PIGU: variants seen among roughly 807,000 people sequenced by gnomAD.
PIGU encodes GPI-anchor transamidase component PIGU.
In PIGU, 24 loss-of-function variants were observed where a neutral mutation model predicts 49.9. That is an observed-to-expected ratio of 0.48 (90% CI 0.35 to 0.68). The LOEUF (loss-of-function observed/expected upper bound fraction) is 0.68. PIGU is among the 30% of genes least tolerant of loss of function. PIGU has a pLI of 0.01. For missense variants in PIGU, 490 were observed against 532.6 expected, an observed-to-expected ratio of 0.92 and a Z score of 0.79; for synonymous variants, 220 against 205.7, an observed-to-expected ratio of 1.07 and a Z score of -0.59.
intron 11 of PIGU, 25 bp downstream of exon 11, chr20:34,575,079 C>A (rs1337743063): frequency 1.9e-6 from 3 of 1,611,598 alleles, no homozygotes; most frequent in African/African-American, 1.3e-5. Context: ...TGTCCCCAAG[C>A]TGACCCCCAT....
intron 11 of PIGU, among the ~76,000 whole-genome samples, chr20:34,567,115 C>T (rs141468436): frequency 3.4e-4 from 52 of 152,320 alleles, no homozygotes; most frequent in Middle Eastern, 3.4e-3. Context: ...AGTCAGCCCA[C>T]GCTGGGGGGA....
At chr20:34,620,137 C>T (rs562225944) in intron 6 of PIGU, among the ~76,000 whole-genome samples, 2 of 152,312 alleles carry the variant, frequency 1.3e-5, no homozygotes, top group African/African-American at 4.8e-5. Flanking sequence ...TTAAAGACTT[C>T]TGATGGTTCC....
intron 10 of PIGU, among the ~76,000 whole-genome samples, chr20:34,575,971 C>T (rs748955431): frequency 1.3e-5 from 2 of 152,190 alleles, no homozygotes; most frequent in African/African-American, 2.4e-5. Context: ...GCATGGCAGC[C>T]GGGTACAGAC....
chr20:34,628,959 C>T (rs9753552), intron 6 of PIGU, among the ~76,000 whole-genome samples: 5 of 151,918 alleles, frequency 3.3e-5, no homozygotes, highest in African/African-American at 1.2e-4. Context: ...ATAACTTTGC[C>T]GTGCCTTCCT....
intron 1 of PIGU, among the ~76,000 whole-genome samples, chr20:34,670,991 T>C (rs1262701589): frequency 2.0e-5 from 3 of 152,210 alleles, no homozygotes; most frequent in Non-Finnish European, 4.4e-5. Context: ...GGCAGAAAGT[T>C]TCTAACATTA....
Position 34,642,641 on chromosome 20 carries a change from T to C in PIGU, c.318+1523A>G, listed in dbSNP as rs1455439831. On this transcript the variant is annotated intron_variant, in intron 4 of 11. Coordinates refer to ENST00000217446, the MANE Select transcript of PIGU (RefSeq NM_080476.5). The stretch of plus-strand genomic sequence containing the variant: ...CAGCTATTCATATCTATATCACACA[T>C]ATATATATCTCATATATATATATAT... Among the ~76,000 whole-genome samples, 9 of 126,456 alleles carry C rather than the reference T, an allele frequency of 7.1e-5. No individual in the cohort carries two copies. The Admixed American group carries it at 7.3e-4, about 10-fold the overall frequency. 83.0% of individuals were successfully genotyped at this position (126,456 alleles called of 152,430 possible).
intron 1 of PIGU, among the ~76,000 whole-genome samples, chr20:34,662,165 C>T (rs1314840658): frequency 3.9e-5 from 6 of 152,060 alleles, no homozygotes; most frequent in African/African-American, 1.4e-4. Flanking sequence ...CTTGACCTCT[C>T]AGGCTCAATC....
intron 11 of PIGU, among the ~76,000 whole-genome samples, chr20:34,568,176 CTA>C (rs983520433): frequency 6.6e-5 from 10 of 152,168 alleles, no homozygotes; most frequent in African/African-American, 1.9e-4. Context: ...GCTGGAGTCG[CTA>C]TAGAGTTTGG....
chr20:34,611,777 G>C (rs1424759093), intron 7 of PIGU, among the ~76,000 whole-genome samples: 1 of 151,436 alleles, frequency 6.6e-6, no homozygotes, highest in Non-Finnish European at 1.5e-5. Context: ...CATCATCACT[G>C]GTCATTAGAG....
intron 10 of PIGU, 72 bp from the exon 11 acceptor site, chr20:34,575,318 C>A: frequency 6.5e-7 from 1 of 1,542,438 alleles, no homozygotes; most frequent in East Asian, 2.3e-5. Flanking sequence ...CAATGGCCCC[C>A]CTGAATGGAG....
intron 11 of PIGU, among the ~76,000 whole-genome samples, chr20:34,571,359 T>G (rs1983006471): frequency 6.6e-6 from 1 of 152,162 alleles, no homozygotes; most frequent in South Asian, 2.1e-4. Context: ...ACACATAATT[T>G]GTTCTGTAAT....
At chr20:34,598,632 G>A (rs1388473233) in intron 7 of PIGU, among the ~76,000 whole-genome samples, 1 of 152,200 alleles carries the variant, frequency 6.6e-6, no homozygotes, top group Non-Finnish European at 1.5e-5. Context: ...AGCTCTTTCT[G>A]CCTCTAGTTA....
At position 34,677,047 on chromosome 20, in the gene PIGU, C is replaced by T; in HGVS notation, c.39G>A (p.Val13=). The T allele has an allele frequency of 1.3e-6, 2 of 1,574,198 alleles. No homozygotes were observed. Among genetic ancestry groups the T allele is most frequent in the Non-Finnish European group, 1.7e-6 (2 of 1,160,212 alleles). Residue 13 remains valine, a synonymous_variant, in exon 1 of 12, where the codon GTG becomes GTA. Coordinates refer to ENST00000217446, the MANE Select transcript of PIGU (RefSeq NM_080476.5). ...APLVLVLVVA[V]TVRAALFRSS... is the part of the protein sequence containing the mutation. ...AGCGGAACAAGGCCGCCCGCACTGTCACAGCCACCACCAGCACCAGGACCA... is the reference window on the plus strand; with the variant it reads ...AGCGGAACAAGGCCGCCCGCACTGTTACAGCCACCACCAGCACCAGGACCA...
intron 1 of PIGU, among the ~76,000 whole-genome samples, chr20:34,661,188 C>A (rs1260009040): frequency 2.0e-5 from 3 of 151,956 alleles, no homozygotes; most frequent in South Asian, 2.1e-4. Context: ...TTAGCAATTT[C>A]TCTTGGCTTT....
At chr20:34,571,989 C>T (rs1983032500) in intron 11 of PIGU, among the ~76,000 whole-genome samples, 1 of 152,110 alleles carries the variant, frequency 6.6e-6, no homozygotes, top group African/African-American at 2.4e-5. Flanking sequence ...AGTACTTGGA[C>T]CCCCTGCTGG....
chr20:34,676,556 C>T (rs930905673), intron 1 of PIGU, among the ~76,000 whole-genome samples: 1 of 152,230 alleles, frequency 6.6e-6, no homozygotes, highest in Non-Finnish European at 1.5e-5. Context: ...TCACACATAA[C>T]CTTTTATCCC....
intron 7 of PIGU, among the ~76,000 whole-genome samples, chr20:34,597,658 T>C (rs1023575306): frequency 6.6e-6 from 1 of 152,212 alleles, no homozygotes; most frequent in African/African-American, 2.4e-5. Context: ...CAAGGATATG[T>C]ATGACATCTG....
At chr20:34,672,359 T>C (rs1034365877) in intron 1 of PIGU, among the ~76,000 whole-genome samples, 3 of 152,330 alleles carry the variant, frequency 2.0e-5, no homozygotes, top group Non-Finnish European at 4.4e-5. Context: ...CTGCCCAACA[T>C]CAATCTTCCC....
intron 1 of PIGU, among the ~76,000 whole-genome samples, chr20:34,659,427 T>TGGGGGGGTCAGCCCCC (rs1986857215): frequency 4.0e-5 from 5 of 126,376 alleles, no homozygotes; most frequent in African/African-American, 1.6e-4. Flanking sequence ...GGGAGGGAGG[T>TGGGGGGGTCAGCCCCC]GGGGGGGTCA....
Sources: allele counts gnomAD v4.1 joint callset (sites outside exome capture counted in the v4.1 genomes callset), GRCh38; gene constraint gnomAD v4.1.1; transcripts MANE v1.5; gene names NCBI Gene and HGNC (gene_info 2026-07-23, HGNC 2026-07-21).